Variants in DLG2 observed in about 807,000 individuals in gnomAD.
DLG2 encodes discs large MAGUK scaffold protein 2, also known as disks large homolog 2.
A neutral mutation model predicts 132.5 loss-of-function variants in DLG2; 45 were observed. The ratio of observed to expected loss-of-function variants is 0.34; its 90% CI spans 0.27 to 0.44. The LOEUF (loss-of-function observed/expected upper bound fraction) is 0.44, where lower values mean the gene tolerates loss of function less well. Among genes scored for constraint, DLG2 ranks in the 20% least tolerant of loss-of-function variants. The pLI, the probability that DLG2 is intolerant of heterozygous loss-of-function variation, is 1.00. For missense variants in DLG2, 1,045 were observed against 1,196.9 expected, an observed-to-expected ratio of 0.87 and a Z score of 1.87; for synonymous variants, 424 against 419.6, an observed-to-expected ratio of 1.01 and a Z score of -0.13.
chr11:84,889,760 G>A (rs1286109219), intron 6 of DLG2, among the ~76,000 whole-genome samples: 1 of 152,162 alleles, frequency 6.6e-6, no homozygotes, highest in Non-Finnish European at 1.5e-5. Context: ...ATCATGCTGA[G>A]GGTTAGTTCA....
chr11:85,024,272 A>G (rs1255489426), intron 6 of DLG2, among the ~76,000 whole-genome samples: 3 of 152,208 alleles, frequency 2.0e-5, no homozygotes, highest in Non-Finnish European at 4.4e-5. Context: ...CCCAAGAACC[A>G]GGAGCTAGTT....
intron 14 of DLG2, among the ~76,000 whole-genome samples, chr11:83,932,258 G>C (rs1377613337): frequency 6.8e-6 from 1 of 148,148 alleles, no homozygotes; most frequent in South Asian, 2.1e-4. Flanking sequence ...TTTTTTAGAC[G>C]TAATCTCACT....
intron 6 of DLG2, among the ~76,000 whole-genome samples, chr11:84,639,280 T>C (rs2099648358): frequency 2.0e-5 from 3 of 152,104 alleles, no homozygotes. Flanking sequence ...TTATTGGATG[T>C]TTTATACTGA....
chr11:83,909,732 A>G (rs1048216580), intron 15 of DLG2, among the ~76,000 whole-genome samples: 13 of 152,164 alleles, frequency 8.5e-5, no homozygotes, highest in Non-Finnish European at 1.6e-4. Context: ...ATTAATTGTT[A>G]TGCTTCATCA....
chr11:83,462,507 GAA>G (rs2090220464), intron 26 of DLG2, among the ~76,000 whole-genome samples: 1 of 152,122 alleles, frequency 6.6e-6, no homozygotes, highest in Non-Finnish European at 1.5e-5. Context: ...TTCTAAATCT[GAA>G]CTTTCCTGAC....
At chr11:83,688,037 C>T (rs1259632266) in intron 18 of DLG2, among the ~76,000 whole-genome samples, 1 of 151,682 alleles carries the variant, frequency 6.6e-6, no homozygotes, top group Non-Finnish European at 1.5e-5. Flanking sequence ...AAAGGAAGCT[C>T]TTCACAAACA....
At chr11:85,130,072 A>G (rs1765027426) in intron 5 of DLG2, among the ~76,000 whole-genome samples, 1 of 152,060 alleles carries the variant, frequency 6.6e-6, no homozygotes, top group African/African-American at 2.4e-5. Flanking sequence ...GGGGGGCAAG[A>G]GGAGAAATAG....
At chr11:84,739,002 G>A (rs2064235348) in intron 6 of DLG2, among the ~76,000 whole-genome samples, 1 of 152,048 alleles carries the variant, frequency 6.6e-6, no homozygotes, top group Non-Finnish European at 1.5e-5. Context: ...AATATATAGT[G>A]ATATAAAGTA....
At chr11:85,339,850 AAAG>A (rs1197923920) in intron 3 of DLG2, among the ~76,000 whole-genome samples, 2 of 152,238 alleles carry the variant, frequency 1.3e-5, no homozygotes, top group Non-Finnish European at 2.9e-5. Context: ...ACACTTCTCA[AAAG>A]AAGACATCTA....
At chr11:83,738,580 G>A (rs1014856669) in intron 18 of DLG2, among the ~76,000 whole-genome samples, 9 of 152,122 alleles carry the variant, frequency 5.9e-5, no homozygotes, top group African/African-American at 2.2e-4. Context: ...ACAGTCAGAC[G>A]GAGAAGCTGT....
chr11:84,493,367 T>C (rs1056767260), intron 7 of DLG2, among the ~76,000 whole-genome samples: 3 of 152,216 alleles, frequency 2.0e-5, no homozygotes, highest in African/African-American at 7.2e-5. Context: ...TAAATATAAG[T>C]AGTGGTGGGT....
intron 7 of DLG2, among the ~76,000 whole-genome samples, chr11:84,314,652 A>C (rs2098336158): frequency 6.6e-6 from 1 of 151,970 alleles, no homozygotes; most frequent in South Asian, 2.1e-4. Flanking sequence ...AAGCTGATAT[A>C]CTCTAGGACA....
chr11:83,590,278 A>T (rs1455037764), intron 19 of DLG2, among the ~76,000 whole-genome samples: 2 of 152,192 alleles, frequency 1.3e-5, no homozygotes, highest in African/African-American at 2.4e-5. Flanking sequence ...AACAGAAATT[A>T]TAACAAACAG....
chr11:85,389,650 CA>C (rs1388343431), intron 3 of DLG2, among the ~76,000 whole-genome samples: 1 of 152,154 alleles, frequency 6.6e-6, no homozygotes, highest in African/African-American at 2.4e-5. Flanking sequence ...ATCAGATTAA[CA>C]GCAGTTTTCT....
chr11:83,907,452 G>GCATCCC (rs1242955680), intron 15 of DLG2, among the ~76,000 whole-genome samples: 1 of 152,098 alleles, frequency 6.6e-6, no homozygotes, highest in East Asian at 1.9e-4. Flanking sequence ...TAGGATGATA[G>GCATCCC]CATCCCTGGA....
intron 18 of DLG2, among the ~76,000 whole-genome samples, chr11:83,669,484 C>T (rs1453304624): frequency 6.6e-6 from 1 of 152,148 alleles, no homozygotes; most frequent in Non-Finnish European, 1.5e-5. Flanking sequence ...ATATGCAATA[C>T]ACAATTAAGG....
chr11:85,283,698 T>A (rs1050096818), intron 4 of DLG2, among the ~76,000 whole-genome samples: 4 of 151,930 alleles, frequency 2.6e-5, no homozygotes, highest in African/African-American at 9.6e-5. Flanking sequence ...TCTTATCTAT[T>A]AATTTGACAA....
intron 7 of DLG2, among the ~76,000 whole-genome samples, chr11:84,268,812 G>C (rs2097682260): frequency 6.6e-6 from 1 of 152,064 alleles, no homozygotes; most frequent in Non-Finnish European, 1.5e-5. Flanking sequence ...TACATCAGAA[G>C]TTGCTGACAG....
chr11:85,169,692 T>G (rs1414830673), intron 4 of DLG2, among the ~76,000 whole-genome samples: 2 of 152,202 alleles, frequency 1.3e-5, no homozygotes, highest in Admixed American at 6.5e-5. Flanking sequence ...CCTCAGTCTT[T>G]CTTCCTGAAA....
Sources: allele counts gnomAD v4.1 joint callset (sites outside exome capture counted in the v4.1 genomes callset), GRCh38; gene constraint gnomAD v4.1.1; transcripts MANE v1.5; gene names NCBI Gene and HGNC (gene_info 2026-07-23, HGNC 2026-07-21).